The following GPC6 variants were observed in gnomAD, a reference collection of about 807,000 sequenced individuals.
The protein encoded by GPC6 is glypican-6.
GPC6 carries 14 observed loss-of-function variants against 55.2 expected under a neutral mutation model. That is an observed-to-expected ratio of 0.25 (90% CI 0.17 to 0.40). GPC6 has a LOEUF of 0.40. Ranked by LOEUF, GPC6 falls within the 10% of genes least tolerant of loss-of-function variation. The pLI is 1.00. For missense variants in GPC6, 641 were observed against 708.5 expected (o/e 0.90, Z 1.08); for synonymous variants, 278 against 259.6 (o/e 1.07, Z -0.68).
intron 2 of GPC6, among the ~76,000 whole-genome samples, chr13:93,691,900 T>C (rs759270638): frequency 1.8e-4 from 27 of 152,074 alleles, no homozygotes; most frequent in Non-Finnish European, 3.5e-4. Flanking sequence ...CACATGGATT[T>C]TGGAAGTTTT....
At position 93,227,633 on chromosome 13, in the gene GPC6, T is replaced by A. The variant is rs1389163823; in HGVS notation, c.160+17T>A. On this transcript the variant is annotated intron_variant, in intron 1 of 8. Coordinates refer to ENST00000377047, the MANE Select transcript of GPC6 (RefSeq NM_005708.5). This position sits in a 1 kb window ranked among gnomAD's most constrained non-coding sequence, Gnocchi z 4.3. Reference sequence around the variant, plus strand: ...AGATCGCAGGTAAGCGCGGGCGCGCTGCAGGGGCAGGCTGCAGCCCTCGGC... The same window carrying A: ...AGATCGCAGGTAAGCGCGGGCGCGCAGCAGGGGCAGGCTGCAGCCCTCGGC... The A allele has an allele frequency of 1.9e-6, 3 of 1,586,390 alleles. No individual in the cohort carries two copies. The highest frequency in any genetic ancestry group is 1.7e-5 in the Admixed American group (1 of 57,680).
chr13:93,973,991 GT>G (rs1880408594), intron 3 of GPC6, among the ~76,000 whole-genome samples: 8 of 152,184 alleles, frequency 5.3e-5, no homozygotes, highest in Admixed American at 5.2e-4. Context: ...TCTAGGTCAG[GT>G]TTGTTGCTTG....
intron 2 of GPC6, among the ~76,000 whole-genome samples, chr13:93,699,654 A>G (rs1209763031): frequency 6.6e-6 from 1 of 152,128 alleles, no homozygotes; most frequent in African/African-American, 2.4e-5. Flanking sequence ...CTTTTTACTG[A>G]ATATAATTTA....
At chr13:93,266,059 A>G (rs763289083) in intron 1 of GPC6, among the ~76,000 whole-genome samples, 2 of 152,218 alleles carry the variant, frequency 1.3e-5, no homozygotes, top group Non-Finnish European at 2.9e-5. Flanking sequence ...ATGTGTGTGT[A>G]TAGTCTATAC....
At chr13:93,914,232 A>G (rs566343397) in intron 3 of GPC6, among the ~76,000 whole-genome samples, 1 of 151,844 alleles carries the variant, frequency 6.6e-6, no homozygotes, top group East Asian at 2.0e-4. Flanking sequence ...CCACCCCACA[A>G]CAGGCCCCGG....
intron 4 of GPC6, among the ~76,000 whole-genome samples, chr13:94,216,100 G>GTT (rs1890219538): frequency 1.3e-5 from 2 of 152,142 alleles, no homozygotes; most frequent in Non-Finnish European, 2.9e-5. Context: ...GCTTGTTAAA[G>GTT]TCACTGTTTT....
chr13:94,023,253 C>G (rs1310499422), intron 3 of GPC6, among the ~76,000 whole-genome samples: 1 of 150,668 alleles, frequency 6.6e-6, no homozygotes, highest in African/African-American at 2.4e-5. Flanking sequence ...TTTTAGAACT[C>G]TTTTCTTTAT....
chr13:94,224,848 T>C (rs1382839181), intron 4 of GPC6, among the ~76,000 whole-genome samples: 1 of 152,158 alleles, frequency 6.6e-6, no homozygotes, highest in Non-Finnish European at 1.5e-5. Flanking sequence ...CCACCTCTGC[T>C]GAAACTGAAT....
intron 1 of GPC6, among the ~76,000 whole-genome samples, chr13:93,249,977 A>G (rs1876729701): frequency 6.6e-6 from 1 of 152,078 alleles, no homozygotes; most frequent in African/African-American, 2.4e-5. Context: ...TTTTAGTCTG[A>G]TCTAGTTGAA....
At chr13:93,549,237 G>A (rs1360804636) in intron 2 of GPC6, among the ~76,000 whole-genome samples, 2 of 152,006 alleles carry the variant, frequency 1.3e-5, no homozygotes, top group African/African-American at 4.8e-5. Flanking sequence ...AACACCCCAG[G>A]CAACAATAAA....
At chr13:93,337,093 C>T (rs1478912869) in intron 1 of GPC6, among the ~76,000 whole-genome samples, 1 of 152,190 alleles carries the variant, frequency 6.6e-6, no homozygotes, top group Non-Finnish European at 1.5e-5. Flanking sequence ...AGTCAGTGTC[C>T]TGTTCCAGTG....
intron 1 of GPC6, among the ~76,000 whole-genome samples, chr13:93,487,431 C>T (rs540199074): frequency 5.9e-5 from 9 of 152,184 alleles, no homozygotes; most frequent in South Asian, 2.1e-4. Context: ...ATTAACATAG[C>T]GCCTGCTAGT....
At chr13:94,215,774 G>A (rs985194746) in intron 4 of GPC6, among the ~76,000 whole-genome samples, 1 of 152,028 alleles carries the variant, frequency 6.6e-6, no homozygotes, top group African/African-American at 2.4e-5. Flanking sequence ...TGAACAAATA[G>A]ACACTTATTT....
rs775197869 is a variant in GPC6, at chr13:94,382,564, G to C, written c.1289+14G>C. 1 of 1,613,828 alleles carries C rather than the reference G, an allele frequency of 6.2e-7. No homozygotes were observed. The highest frequency in any genetic ancestry group is 8.5e-7 in the Non-Finnish European group (1 of 1,179,988). On this transcript the variant is annotated intron_variant, in intron 7 of 8. Transcript: ENST00000377047. ...CAGCAAAGCCAGGTGAGGGTGACTC[G>C]ATGTGTGCATGGATGGGGGCACAGC...
intron 2 of GPC6, among the ~76,000 whole-genome samples, chr13:93,793,413 C>A (rs1049005738): frequency 6.6e-6 from 1 of 152,098 alleles, no homozygotes; most frequent in African/African-American, 2.4e-5. Context: ...AACAAACAAA[C>A]AAACAAACAG....
chr13:94,013,888 T>C (rs1882350562), intron 3 of GPC6, among the ~76,000 whole-genome samples: 1 of 152,214 alleles, frequency 6.6e-6, no homozygotes, highest in Admixed American at 6.5e-5. Context: ...TCTATTCCTT[T>C]TATCCCAGAC....
intron 1 of GPC6, among the ~76,000 whole-genome samples, chr13:93,493,638 C>G (rs1237764617): frequency 1.4e-5 from 2 of 138,678 alleles, no homozygotes; most frequent in African/African-American, 2.7e-5. Context: ...TGGATCTTTC[C>G]TGCTTTCTCT....
At chr13:93,463,157 A>T (rs779338718) in intron 1 of GPC6, among the ~76,000 whole-genome samples, 5 of 152,326 alleles carry the variant, frequency 3.3e-5, no homozygotes, top group Non-Finnish European at 7.3e-5. Flanking sequence ...CTTTTAGATA[A>T]GGAATGAAAT....
intron 2 of GPC6, among the ~76,000 whole-genome samples, chr13:93,682,693 T>C (rs1459014967): frequency 6.6e-6 from 1 of 151,982 alleles, no homozygotes; most frequent in Non-Finnish European, 1.5e-5. Context: ...AAAAAAAATA[T>C]ATACATCTTT....
Sources: allele counts gnomAD v4.1 joint callset (sites outside exome capture counted in the v4.1 genomes callset), GRCh38; gene constraint gnomAD v4.1.1; non-coding constraint Gnocchi (gnomAD v3.1); transcripts MANE v1.5; gene names NCBI Gene and HGNC (gene_info 2026-07-23, HGNC 2026-07-21).